The following SOX17 variants were observed in gnomAD, a reference collection of about 807,000 sequenced individuals.
SOX17 encodes the protein transcription factor SOX-17.
SOX17 carries 4 observed loss-of-function variants against 16.0 expected under a neutral mutation model. The observed-to-expected ratio is 0.25, with a 90% confidence interval of 0.12 to 0.57. The LOEUF (loss-of-function observed/expected upper bound fraction) is 0.57. Among genes scored for constraint, SOX17 ranks in the 20% least tolerant of loss-of-function variants. The pLI is 0.92. For missense variants in SOX17, 633 were observed against 609.7 expected (o/e 1.04, Z -0.40); for synonymous variants, 357 against 284.6 (o/e 1.25, Z -2.56).
Position 54,459,282 on chromosome 8 carries a change from G to A in SOX17, c.532G>A (p.Gly178Ser), listed in dbSNP as rs267607082. Residue 178 changes from glycine (G) to serine (S), a missense_variant, in exon 2 of 2, where the codon GGC becomes AGC. Transcript: ENST00000297316. ...CGAGGGCGGCCGCGTGGCCATGGAC[G>A]GCCTGGGCCTCCAGTTCCCCGAGCA... ...GPEGGRVAMDGLGLQFPEQGF... is the reference protein window; with the variant it reads ...GPEGGRVAMDSLGLQFPEQGF... The A allele has an allele frequency of 1.3e-5, 20 of 1,508,598 alleles. No individual in the cohort carries two copies. Among genetic ancestry groups the A allele is most frequent in the Non-Finnish European group, 1.6e-5 (18 of 1,134,236 alleles). 93.5% of individuals were successfully genotyped at this position (1,508,598 alleles called of 1,614,324 possible). A position where few individuals can be genotyped will look rare whatever the true frequency, so the allele number is the denominator to read the frequency against.
Position 54,458,080 on chromosome 8 carries a change from T to C in SOX17, c.-59T>C. The C allele has an allele frequency of 1.4e-6, 2 of 1,420,656 alleles. No individual in the cohort carries two copies. Among genetic ancestry groups the C allele is most frequent in the Non-Finnish European group, 1.8e-6 (2 of 1,091,796 alleles). 88.0% of individuals were successfully genotyped at this position (1,420,656 alleles called of 1,614,324 possible). A position where few individuals can be genotyped will look rare whatever the true frequency, so the allele number is the denominator to read the frequency against. ...CTCACTCCCCACCCCCTCCCCCGGG[T>C]CGGGGGAGGCGGCGCGTCCGGCGGA... On this transcript the variant is annotated 5_prime_UTR_variant, in exon 1 of 2. Coordinates refer to ENST00000297316, the MANE Select transcript of SOX17 (RefSeq NM_022454.4).
intron 1 of SOX17, 105 bp downstream of exon 1, chr8:54,458,550 A>T (rs1044496050): frequency 7.2e-7 from 1 of 1,379,678 alleles, no homozygotes; most frequent in Non-Finnish European, 1.0e-6. Flanking sequence ...GCCCAAAACC[A>T]GGGGTGTGTA....
rs1586331261 is a variant in SOX17 at position 54,460,881 on chromosome 8, G to A, written c.*886G>A. On this transcript the variant is annotated 3_prime_UTR_variant, in exon 2 of 2. Coordinates refer to ENST00000297316, the MANE Select transcript of SOX17 (RefSeq NM_022454.4). ...CTAATCAAAATAAAATTTGCATTAT[G>A]ACAACTTTTAATACACTTTAGCATT... 1 of 208,100 alleles carries A rather than the reference G, an allele frequency of 4.8e-6. No individual in the cohort carries two copies. 12.9% of individuals were successfully genotyped at this position (208,100 alleles called of 1,614,324 possible). A position where few individuals can be genotyped will look rare whatever the true frequency, so the allele number is the denominator to read the frequency against.
chr8:54,458,753 G>A (rs1804679014), intron 1 of SOX17, among the ~76,000 whole-genome samples: 1 of 152,230 alleles, frequency 6.6e-6, no homozygotes, highest in African/African-American at 2.4e-5. Flanking sequence ...CCTGAACTGG[G>A]CCGGTTGTGT....
intron 1 of SOX17, 144 bp downstream of exon 1, chr8:54,458,589 G>T (rs1804675587): frequency 1.9e-6 from 2 of 1,035,538 alleles, no homozygotes; most frequent in East Asian, 2.6e-5. Flanking sequence ...AAGGCTCTGG[G>T]TTCCCTTCCC....
In SOX17 at chr8:54,459,999, G is replaced by A. The variant is rs2129278460; in HGVS notation, c.*4G>A. On this transcript the variant is annotated 3_prime_UTR_variant, in exon 2 of 2. Coordinates refer to ENST00000297316, the MANE Select transcript of SOX17 (RefSeq NM_022454.4). Reference sequence around the variant, plus strand: ...CTGCAACTATCCTGACGTGTGACAGGTCCCTGATCCGCCCCAGCCTGCAGG... The same window carrying A: ...CTGCAACTATCCTGACGTGTGACAGATCCCTGATCCGCCCCAGCCTGCAGG... 6.2e-7 allele frequency: 1 copy of A among 1,613,644 alleles called. No homozygotes were observed. Among genetic ancestry groups the A allele is most frequent in the Non-Finnish European group, 8.5e-7 (1 of 1,180,028 alleles).
In SOX17 at chr8:54,459,751, C is replaced by T. The variant is rs1359676095; in HGVS notation, c.1001C>T (p.Ser334Leu). ...CACCCCCCGGGCCCCGGACAGCCGT[C>T]GCCCCCTCCGGAGGCACTGCCCTGC... is the stretch of plus-strand genomic sequence containing the variant. The part of the protein sequence containing the change: ...QHHPPGPGQP[S>L]PPPEALPCRD... The change falls in exon 2 of 2, where the codon TCG (serine) becomes TTG (leucine). Residue 334 changes from serine to leucine, a missense_variant. Physicochemically the swap from Ser to Leu is moderately radical, Grantham distance 145. Coordinates refer to ENST00000297316, the MANE Select transcript of SOX17 (RefSeq NM_022454.4). 6.3e-7 allele frequency: 1 copy of T among 1,575,294 alleles called. No individual in the cohort carries two copies. Among genetic ancestry groups the T allele is most frequent in the East Asian group, 2.4e-5 (1 of 42,384 alleles).
At chr8:54,458,512 A>G in intron 1 of SOX17, 67 bp downstream of exon 1, 1 of 1,574,922 alleles carries the variant, frequency 6.3e-7, no homozygotes. Flanking sequence ...GATTTCTTAA[A>G]CCCCAAACTG....
At position 54,458,317 on chromosome 8, in the gene SOX17, G is replaced by T; in HGVS notation, c.179G>T (p.Gly60Val). The T allele has an allele frequency of 6.2e-7, 1 of 1,611,844 alleles. No homozygotes were observed. Among genetic ancestry groups the T allele is most frequent in the Non-Finnish European group, 8.5e-7 (1 of 1,179,606 alleles). ...ANSGAPAGAAGRAKGESRIRR... is the reference protein window; with the variant it reads ...ANSGAPAGAAVRAKGESRIRR... The stretch of plus-strand genomic sequence containing the variant: ...AGCGGAGCACCGGCCGGGGCCGCGG[G>T]CCGAGCCAAGGGCGAGTCCCGTATC... The change falls in exon 1 of 2, where the codon GGC (glycine) becomes GTC (valine). Residue 60 changes from glycine (G) to valine (V), a missense_variant. Gly to Val is a moderately radical substitution (Grantham distance 109). Transcript: ENST00000297316.
chr8:54,460,515 TA>T lies in SOX17; in HGVS notation c.*523del. ...TGCCTTTAAGGAGTATATCTAAAAATAAACATTAGGATATCTAAGTTTGATG... is the reference window on the plus strand; with the variant it reads ...TGCCTTTAAGGAGTATATCTAAAAATAACATTAGGATATCTAAGTTTGATG... On this transcript the variant is annotated 3_prime_UTR_variant, in exon 2 of 2. Transcript: ENST00000297316. The T allele has an allele frequency of 4.2e-6, 1 of 236,984 alleles. No homozygotes were observed. Among genetic ancestry groups the T allele is most frequent in the Non-Finnish European group, 8.3e-6 (1 of 120,464 alleles). 14.7% of individuals were successfully genotyped at this position (236,984 alleles called of 1,614,324 possible). A position where few individuals can be genotyped will look rare whatever the true frequency, so the allele number is the denominator to read the frequency against.
At position 54,460,592 on chromosome 8, in the gene SOX17, C is replaced by A. The variant is rs554998927; in HGVS notation, c.*597C>A. 9 of 233,366 alleles carry A rather than the reference C, an allele frequency of 3.9e-5. No individual in the cohort carries two copies. In the South Asian group the frequency reaches 1.6e-3, roughly 42 times the overall value. 14.5% of individuals were successfully genotyped at this position (233,366 alleles called of 1,614,324 possible). On this transcript the variant is annotated 3_prime_UTR_variant, in exon 2 of 2. Transcript: ENST00000297316. ...AAAGCATTCTGGAATGAGCCTACTT[C>A]AAGTAATCTTAGTTTCTAAAACTAA...
In SOX17 at chr8:54,459,824, G is replaced by A. The variant is rs1267819702; in HGVS notation, c.1074G>A (p.Val358=). 6.2e-7 allele frequency: 1 copy of A among 1,613,092 alleles called. No homozygotes were observed. The highest frequency in any genetic ancestry group is 1.3e-5 in the African/African-American group (1 of 75,058). Residue 358 remains valine, a synonymous_variant, in exon 2 of 2, where the codon GTG becomes GTA. Coordinates refer to ENST00000297316, the MANE Select transcript of SOX17 (RefSeq NM_022454.4). ...AGCCCGCCGAGCTCCTCGGGGAGGT[G>A]GACCGCACGGAATTTGAACAGTATC... ...PSQPAELLGE[V]DRTEFEQYLH...
At chr8:54,458,539 C>T in intron 1 of SOX17, 94 bp downstream of exon 1, 1 of 1,470,110 alleles carries the variant, frequency 6.8e-7, no homozygotes, top group Non-Finnish European at 9.3e-7. Flanking sequence ...GCGAGCCTGA[C>T]GCCCAAAACC....
chr8:54,459,727 AC>A lies in SOX17; in HGVS notation c.983del (p.Pro328ArgfsTer59), dbSNP rs1170462661. Reference protein sequence around the residue: ...QHQHQHQHQHHPPGPGQPSPP... With the variant: ...QHQHQHQHQHXPPGPGQPSPP... Reference sequence around the variant, plus strand: ...CAGCACCAGCACCAGCACCAGCACCACCCCCCGGGCCCCGGACAGCCGTCGC... The same window carrying A: ...CAGCACCAGCACCAGCACCAGCACCACCCCCGGGCCCCGGACAGCCGTCGC... On this transcript the variant is annotated frameshift_variant, in exon 2 of 2. Coordinates refer to ENST00000297316, the MANE Select transcript of SOX17 (RefSeq NM_022454.4). LOFTEE classifies it high-confidence loss of function. The A allele has an allele frequency of 1.9e-6, 3 of 1,552,266 alleles. No homozygotes were observed. The highest frequency in any genetic ancestry group is 1.2e-5 in the South Asian group (1 of 85,666).
chr8:54,459,396 G>C lies in SOX17; in HGVS notation c.646G>C (p.Gly216Arg), dbSNP rs1383376805. The C allele has an allele frequency of 3.2e-6, 5 of 1,554,802 alleles. No homozygotes were observed. The highest frequency in any genetic ancestry group is 1.2e-5 in the South Asian group (1 of 85,404). Residue 216 changes from glycine to arginine, a missense_variant, in exon 2 of 2, where the codon GGC becomes CGC. Transcript: ENST00000297316. ...CQSLGAPPLD[G>R]YPLPTPDTSP... is the part of the protein sequence containing the mutation. ...GAGTCTGGGCGCGCCTCCGCTCGACGGCTACCCGTTGCCCACGCCCGACAC... is the reference window on the plus strand; with the variant it reads ...GAGTCTGGGCGCGCCTCCGCTCGACCGCTACCCGTTGCCCACGCCCGACAC...
rs973869127 is a variant in SOX17, at chr8:54,459,269, C to G, written c.519C>G (p.Arg173=). 6 of 1,503,882 alleles carry G rather than the reference C, an allele frequency of 4.0e-6. No homozygotes were observed. The highest frequency in any genetic ancestry group is 5.3e-6 in the Non-Finnish European group (6 of 1,132,158). The allele number at this position is 1,503,882 out of a possible 1,614,324, so 93.2% of individuals were successfully genotyped here. A position where few individuals can be genotyped will look rare whatever the true frequency, so the allele number is the denominator to read the frequency against. The part of the protein sequence containing the change: ...QAAALGPEGG[R]VAMDGLGLQF... ...CCGCGCTGGGCCCCGAGGGCGGCCG[C>G]GTGGCCATGGACGGCCTGGGCCTCC... Residue 173 remains arginine, a synonymous_variant, in exon 2 of 2, where the codon CGC becomes CGG. Coordinates refer to ENST00000297316, the MANE Select transcript of SOX17 (RefSeq NM_022454.4).
chr8:54,458,518 A>ACC, intron 1 of SOX17, 73 bp downstream of exon 1: 1 of 1,533,620 alleles, frequency 6.5e-7, no homozygotes, highest in Non-Finnish European at 8.9e-7. Flanking sequence ...TTAAACCCCA[A>ACC]ACTGTTCTTT....
Position 54,459,440 on chromosome 8 carries a change from G to A in SOX17, c.690G>A (p.Val230=). 1 of 1,526,752 alleles carries A rather than the reference G, an allele frequency of 6.5e-7. No individual in the cohort carries two copies. The highest frequency in any genetic ancestry group is 8.7e-7 in the Non-Finnish European group (1 of 1,144,632). The allele number at this position is 1,526,752 out of a possible 1,614,324, so 94.6% of individuals were successfully genotyped here. The change falls in exon 2 of 2, where the codon GTG becomes GTA. Residue 230 remains valine (V), a synonymous_variant. Coordinates refer to ENST00000297316, the MANE Select transcript of SOX17 (RefSeq NM_022454.4). ...CCGACACGTCCCCGCTGGACGGCGT[G>A]GACCCCGACCCGGCTTTCTTCGCCG... The part of the protein sequence containing the change: ...PTPDTSPLDG[V]DPDPAFFAAP...
chr8:54,460,074 C>A lies in SOX17; in HGVS notation c.*79C>A. On this transcript the variant is annotated 3_prime_UTR_variant, in exon 2 of 2. Coordinates refer to ENST00000297316, the MANE Select transcript of SOX17 (RefSeq NM_022454.4). Reference sequence around the variant, plus strand: ...TGGAGGAGCTAAGGAAATCCTCAGACTCCTGGGTTTTTGTTGTTGCTGTTG... The same window carrying A: ...TGGAGGAGCTAAGGAAATCCTCAGAATCCTGGGTTTTTGTTGTTGCTGTTG... 6.8e-7 allele frequency: 1 copy of A among 1,472,722 alleles called. No individual in the cohort carries two copies. Among genetic ancestry groups the A allele is most frequent in the Non-Finnish European group, 9.5e-7 (1 of 1,055,546 alleles). The allele number at this position is 1,472,722 out of a possible 1,614,324, so 91.2% of individuals were successfully genotyped here. A position where few individuals can be genotyped will look rare whatever the true frequency, so the allele number is the denominator to read the frequency against.
Sources: gnomAD v4.1 joint callset for allele counts (sites outside exome capture counted in the v4.1 genomes callset) on GRCh38, gnomAD v4.1.1 for gene constraint, MANE v1.5 for transcripts, NCBI Gene and HGNC (gene_info 2026-07-23, HGNC 2026-07-21) for gene names.